The following LBR variants were observed in gnomAD, a reference collection of about 807,000 sequenced individuals.
LBR encodes delta(14)-sterol reductase LBR.
In LBR, 28 loss-of-function variants were observed where a neutral mutation model predicts 74.3. The observed-to-expected ratio is 0.38, with a 90% CI of 0.28 to 0.52. LBR has a LOEUF of 0.52. LBR is among the 20% of genes least tolerant of loss of function. LBR has a pLI of 0.89. For synonymous variants in LBR, 228 were observed against 269.3 expected, an observed-to-expected ratio of 0.85 and a Z score of 1.50; for missense variants, 717 against 760.3, an observed-to-expected ratio of 0.94 and a Z score of 0.67.
At chr1:225,419,863 T>G in intron 3 of LBR, 65 bp from the exon 4 acceptor site, 1 of 1,173,364 alleles carries the variant, frequency 8.5e-7, no homozygotes, top group Non-Finnish European at 1.3e-6. Flanking sequence ...AACATGATGG[T>G]AAAAACTTAC....
intron 13 of LBR, 121 bp downstream of exon 13, chr1:225,404,283 T>C: frequency 1.5e-6 from 2 of 1,371,234 alleles, no homozygotes; most frequent in Non-Finnish European, 2.1e-6. Context: ...AACCTCACAG[T>C]AGAAAAGGGC....
chr1:225,424,303 T>C (rs1030621019), intron 1 of LBR, among the ~76,000 whole-genome samples: 1 of 152,198 alleles, frequency 6.6e-6, no homozygotes, highest in Admixed American at 6.5e-5. Flanking sequence ...ATTATAACAA[T>C]GTATATAGGC....
intron 6 of LBR, chr1:225,417,771 G>A (rs1319279613): frequency 1.8e-6 from 1 of 552,678 alleles, no homozygotes; most frequent in African/African-American, 1.9e-5. Context: ...CAAGAGAAAT[G>A]GCTTCATGAA....
Position 225,417,979 on chromosome 1 carries a change from C to G in LBR, c.837+5G>C, listed in dbSNP as rs755762718. On this transcript the variant is annotated splice_donor_5th_base_variant and intron_variant, in intron 6 of 13. Coordinates refer to ENST00000272163, the MANE Select transcript of LBR (RefSeq NM_002296.4). ...TAAAACAAAACAGAATTACCATAAACGTACCTTTCCAATTGGCAGTAGGTA... is the reference window on the plus strand; with the variant it reads ...TAAAACAAAACAGAATTACCATAAAGGTACCTTTCCAATTGGCAGTAGGTA... The G allele has an allele frequency of 1.9e-6, 3 of 1,613,124 alleles. No homozygotes were observed. Among genetic ancestry groups the G allele is most frequent in the Non-Finnish European group, 2.5e-6 (3 of 1,179,092 alleles).
At chr1:225,425,874 G>A (rs1386908896) in intron 1 of LBR, among the ~76,000 whole-genome samples, 2 of 152,124 alleles carry the variant, frequency 1.3e-5, no homozygotes, top group South Asian at 2.1e-4. Context: ...AGGACGCAGG[G>A]GCTACTTGAG....
At position 225,401,990 on chromosome 1, in the gene LBR, A is replaced by G. The variant is rs1046100134; in HGVS notation, c.*1313T>C. Reference sequence around the variant, plus strand: ...ATGTTTATTACATTCCCCTACATTGAAAGTACTGAGAACAATTTAACTCTG... The same window carrying G: ...ATGTTTATTACATTCCCCTACATTGGAAGTACTGAGAACAATTTAACTCTG... On this transcript the variant is annotated 3_prime_UTR_variant, in exon 14 of 14. Transcript: ENST00000272163. 6.6e-6 allele frequency: 1 copy of G among 152,248 alleles called. No individual in the cohort carries two copies. Among genetic ancestry groups the G allele is most frequent in the Non-Finnish European group, 1.5e-5 (1 of 68,036 alleles). The allele number at this position is 152,248 out of a possible 1,614,324, so 9.4% of individuals were successfully genotyped here.
intron 10 of LBR, among the ~76,000 whole-genome samples, chr1:225,409,345 T>C (rs766386519): frequency 6.6e-6 from 1 of 152,194 alleles, no homozygotes; most frequent in Non-Finnish European, 1.5e-5. Flanking sequence ...AACACCAATA[T>C]CAAACTTGCG....
At chr1:225,414,108 C>T (rs772515551) in intron 7 of LBR, 4 of 456,680 alleles carry the variant, frequency 8.8e-6, no homozygotes, top group Non-Finnish European at 1.8e-5. Context: ...AAAACTTGCT[C>T]CATCAGCAAA....
chr1:225,406,105 C>A (rs1378790666), intron 11 of LBR, among the ~76,000 whole-genome samples: 1 of 152,168 alleles, frequency 6.6e-6, no homozygotes, highest in Non-Finnish European at 1.5e-5. Context: ...CTGAGCTGTT[C>A]CCAGTGCCTG....
intron 3 of LBR, among the ~76,000 whole-genome samples, chr1:225,421,541 A>T (rs966952445): frequency 2.0e-5 from 3 of 152,264 alleles, no homozygotes; most frequent in African/African-American, 7.2e-5. Flanking sequence ...TTAAGTGAAT[A>T]GAAGATTACT....
chr1:225,405,130 A>G (rs2096088763), intron 11 of LBR, among the ~76,000 whole-genome samples: 1 of 152,234 alleles, frequency 6.6e-6, no homozygotes, highest in South Asian at 2.1e-4. Flanking sequence ...TGTTAGTTAT[A>G]CCTACTGGCC....
In LBR at chr1:225,422,250, C is replaced by A. The variant is rs765365854; in HGVS notation, c.193G>T (p.Gly65Cys). Residue 65 changes from glycine to cysteine, a missense_variant, in exon 3 of 14, where the codon GGT becomes TGT. Gly to Cys is a radical substitution (Grantham distance 159). Coordinates refer to ENST00000272163, the MANE Select transcript of LBR (RefSeq NM_002296.4). ...KPLTSFRQRK[G>C]GSTSSSPSRR... ...GAAGGGGAACTGGAAGTTGAGCCACCTTTCCTTTGCCTAAAGGAAGTTAAA... is the reference window on the plus strand; with the variant it reads ...GAAGGGGAACTGGAAGTTGAGCCACATTTCCTTTGCCTAAAGGAAGTTAAA... 1 of 1,613,708 alleles carries A rather than the reference C, an allele frequency of 6.2e-7. No homozygotes were observed. Among genetic ancestry groups the A allele is most frequent in the South Asian group, 1.1e-5 (1 of 91,066 alleles).
At position 225,404,591 on chromosome 1, in the gene LBR, T is replaced by A. The variant is rs770458145; in HGVS notation, c.1564+35A>T. ...CAAAAAGAAAAATAAAACCTTCATG[T>A]AATATATATAATATAAACATAAATC... On this transcript the variant is annotated intron_variant, in intron 12 of 13. Transcript: ENST00000272163. The A allele has an allele frequency of 2.6e-6, 4 of 1,556,154 alleles. No homozygotes were observed. The Admixed American group carries it at 6.8e-5, about 27-fold the overall frequency.
intron 5 of LBR, among the ~76,000 whole-genome samples, chr1:225,418,880 C>A (rs2096122379): frequency 6.6e-6 from 1 of 152,252 alleles, no homozygotes. Flanking sequence ...CTGAGGCCCA[C>A]TGCTGGCCCC....
intron 1 of LBR, among the ~76,000 whole-genome samples, chr1:225,426,597 C>T (rs1398846933): frequency 6.6e-6 from 1 of 152,000 alleles, no homozygotes; most frequent in East Asian, 1.9e-4. Flanking sequence ...ATTCTCTGCT[C>T]ATTAACATTA....
rs754816137 is a variant in LBR, at chr1:225,419,379, ACTT to A, written c.521_523del (p.Glu174del). On this transcript the variant is annotated inframe_deletion, in exon 5 of 14. Coordinates refer to ENST00000272163, the MANE Select transcript of LBR (RefSeq NM_002296.4). Reference sequence around the variant, plus strand: ...CTTAGAATCTATTTCTTTTAATTTGACTTCTTCTCTTCTTGGACGAAGGCTATA... The same window carrying A: ...CTTAGAATCTATTTCTTTTAATTTGACTTCTCTTCTTGGACGAAGGCTATA... 6.8e-6 allele frequency: 11 copies of A among 1,613,830 alleles called. No individual in the cohort carries two copies. Among genetic ancestry groups the A allele is most frequent in the South Asian group, 5.5e-5 (5 of 91,060 alleles).
At chr1:225,405,012 A>G (rs2096088523) in intron 11 of LBR, among the ~76,000 whole-genome samples, 1 of 152,236 alleles carries the variant, frequency 6.6e-6, no homozygotes, top group Admixed American at 6.5e-5. Flanking sequence ...CTCTGAAGGC[A>G]AAACAAATAT....
chr1:225,426,473 G>A (rs1201682753), intron 1 of LBR, among the ~76,000 whole-genome samples: 1 of 152,150 alleles, frequency 6.6e-6, no homozygotes, highest in Non-Finnish European at 1.5e-5. Context: ...GGAAAAACAC[G>A]GAGACCCTCA....
At position 225,419,341 on chromosome 1, in the gene LBR, C is replaced by T. The variant is rs199796274; in HGVS notation, c.562G>A (p.Val188Ile). The T allele has an allele frequency of 8.6e-5, 139 of 1,614,054 alleles. No homozygotes were observed. Among genetic ancestry groups the T allele is most frequent in the Non-Finnish European group, 1.1e-4 (128 of 1,180,032 alleles). Residue 188 changes from valine (V) to isoleucine (I), a missense_variant, in exon 5 of 14, where the codon GTT becomes ATT. Val to Ile is a conservative substitution (Grantham distance 29). Coordinates refer to ENST00000272163, the MANE Select transcript of LBR (RefSeq NM_002296.4). ...GTTCTCACTGCCAGTTCTTTTGCAA[C>T]GTATTTTTCTTCCTTAGAATCTATT... ...KEIDSKEEKY[V>I]AKELAVRTFE... is the part of the protein sequence containing the mutation.
Sources: gnomAD v4.1 joint callset for allele counts (sites outside exome capture counted in the v4.1 genomes callset) on GRCh38, gnomAD v4.1.1 for gene constraint, MANE v1.5 for transcripts, NCBI Gene and HGNC (gene_info 2026-07-23, HGNC 2026-07-21) for gene names.